MBNL1: variants seen among roughly 807,000 people sequenced by gnomAD.
MBNL1 encodes the protein muscleblind-like protein 1.
A neutral mutation model predicts 42.2 loss-of-function variants in MBNL1; 8 were observed. That is an observed-to-expected ratio of 0.19 (90% confidence interval 0.11 to 0.34). The LOEUF (loss-of-function observed/expected upper bound fraction) is 0.34. Ranked by LOEUF, MBNL1 falls within the 10% of genes least tolerant of loss-of-function variation. MBNL1 has a pLI of 1.00. For synonymous variants in MBNL1, 169 were observed against 173.9 expected, an observed-to-expected ratio of 0.97 and a Z score of 0.22; for missense variants, 309 against 495.3, an observed-to-expected ratio of 0.62 and a Z score of 3.57.
At chr3:152,246,120 A>C (rs1376139951) in intron 2 of MBNL1, among the ~76,000 whole-genome samples, 1 of 152,150 alleles carries the variant, frequency 6.6e-6, no homozygotes, top group Non-Finnish European at 1.5e-5. Context: ...AAAAATAAAC[A>C]CAACTACTTC....
chr3:152,316,922 A>G (rs971798822), intron 2 of MBNL1, among the ~76,000 whole-genome samples: 1 of 152,092 alleles, frequency 6.6e-6, no homozygotes, highest in Non-Finnish European at 1.5e-5. Context: ...GAATTTTTAA[A>G]AAGATTAAGA....
intron 3 of MBNL1, among the ~76,000 whole-genome samples, chr3:152,425,585 G>T (rs1482027255): frequency 6.6e-6 from 1 of 151,672 alleles, no homozygotes; most frequent in African/African-American, 2.4e-5. Context: ...TCCAGCCTGG[G>T]TAACAGAGAG....
At chr3:152,320,940 T>C (rs1469149917) in intron 2 of MBNL1, among the ~76,000 whole-genome samples, 1 of 152,090 alleles carries the variant, frequency 6.6e-6, no homozygotes. Flanking sequence ...GTGAATACTT[T>C]ATAGTGTTGC....
At chr3:152,416,851 T>C (rs2098710675) in intron 3 of MBNL1, among the ~76,000 whole-genome samples, 1 of 152,260 alleles carries the variant, frequency 6.6e-6, no homozygotes, top group Non-Finnish European at 1.5e-5. Context: ...AAATCACAGA[T>C]TTCTGAAACC....
At chr3:152,298,832 TC>T (rs2059662436) in intron 1 of MBNL1, 1 of 152,238 alleles carries the variant, frequency 6.6e-6, no homozygotes, top group Admixed American at 6.5e-5. Context: ...AGCAGGCTGT[TC>T]AGTGCCCGTC....
chr3:152,318,262 C>T lies in MBNL1; in HGVS notation c.174+17895C>T, dbSNP rs184289473. Reference sequence around the variant, plus strand: ...CCGTTGGAAGAAAAAAGCAGTCTCACGTTACAAGCATTTTGAAAGTGGTTT... The same window carrying T: ...CCGTTGGAAGAAAAAAGCAGTCTCATGTTACAAGCATTTTGAAAGTGGTTT... On this transcript the variant is annotated intron_variant, in intron 2 of 9. Transcript: ENST00000324210. 2.0e-4 allele frequency among the ~76,000 whole-genome samples: 30 copies of T among 152,270 alleles called. No individual in the cohort carries two copies. In the East Asian group the frequency reaches 2.3e-3, roughly 12 times the overall value.
At chr3:152,334,170 G>A (rs1011700282) in intron 2 of MBNL1, among the ~76,000 whole-genome samples, 3 of 152,120 alleles carry the variant, frequency 2.0e-5, no homozygotes, top group African/African-American at 7.2e-5. Flanking sequence ...CCTATATAGG[G>A]TTTTCAGTTT....
chr3:152,332,000 T>G (rs2084978227), intron 2 of MBNL1, among the ~76,000 whole-genome samples: 1 of 152,190 alleles, frequency 6.6e-6, no homozygotes, highest in Non-Finnish European at 1.5e-5. Flanking sequence ...CCTTGATACC[T>G]CTTTAAAAAT....
chr3:152,250,696 C>G (rs1366072017), intron 2 of MBNL1, among the ~76,000 whole-genome samples: 2 of 150,176 alleles, frequency 1.3e-5, no homozygotes, highest in East Asian at 2.0e-4. Flanking sequence ...CTGTCTTGTG[C>G]CAGTTTTCAA....
intron 2 of MBNL1, among the ~76,000 whole-genome samples, chr3:152,408,930 A>G (rs2098503108): frequency 6.6e-6 from 1 of 152,234 alleles, no homozygotes; most frequent in South Asian, 2.1e-4. Flanking sequence ...CCAAAATGTC[A>G]GTAGTGCTGA....
At chr3:152,255,755 A>G (rs1300522023) in intron 2 of MBNL1, among the ~76,000 whole-genome samples, 2 of 152,204 alleles carry the variant, frequency 1.3e-5, no homozygotes, top group African/African-American at 2.4e-5. Flanking sequence ...TGGGAAAATC[A>G]TCTTTACGTA....
chr3:152,432,815 G>T lies in MBNL1; in HGVS notation c.444G>T (p.Glu148Asp). ...TTTCTCCAAGCCTGGTCCCGGCAGAGATCTTGCCGACTGCACCAATGTTGG... is the reference window on the plus strand; with the variant it reads ...TTTCTCCAAGCCTGGTCCCGGCAGATATCTTGCCGACTGCACCAATGTTGG... ...GPVSPSLVPA[E>D]ILPTAPMLVT... The change falls in exon 4 of 10, where the codon GAG becomes GAT. Residue 148 changes from glutamate (E) to aspartate (D), a missense_variant. By Grantham distance (45) the Glu-to-Asp change is conservative. Transcript: ENST00000324210. 6.2e-7 allele frequency: 1 copy of T among 1,614,186 alleles called. No homozygotes were observed. Among genetic ancestry groups the T allele is most frequent in the South Asian group, 1.1e-5 (1 of 91,086 alleles).
At chr3:152,327,815 A>ATT (rs893206005) in intron 2 of MBNL1, among the ~76,000 whole-genome samples, 16 of 150,764 alleles carry the variant, frequency 1.1e-4, no homozygotes, top group African/African-American at 3.9e-4. Context: ...ATATAGTAGC[A>ATT]TTTTTTTTTA....
At chr3:152,261,898 T>C (rs1358121878) in intron 2 of MBNL1, among the ~76,000 whole-genome samples, 1 of 152,216 alleles carries the variant, frequency 6.6e-6, no homozygotes, top group African/African-American at 2.4e-5. Flanking sequence ...TGCCAGCTGC[T>C]TGGGAGTCCG....
In MBNL1 at chr3:152,439,079, G is replaced by A. The variant is rs1022257479; in HGVS notation, c.549+6159G>A. The stretch of plus-strand genomic sequence containing the variant: ...ACTTGGTTTCTGATAGTTTCAGTTC[G>A]CGTTTGCTTGTATTAAAATATAAAA... On this transcript the variant is annotated intron_variant, in intron 4 of 9. Transcript: ENST00000324210. Among the ~76,000 whole-genome samples, 12 of 152,264 alleles carry A rather than the reference G, an allele frequency of 7.9e-5. No homozygotes were observed. In the Middle Eastern group the frequency reaches 0.01, roughly 129 times the overall value.
chr3:152,389,910 C>G (rs1347580814), intron 2 of MBNL1, among the ~76,000 whole-genome samples: 1 of 152,044 alleles, frequency 6.6e-6, no homozygotes, highest in African/African-American at 2.4e-5. Context: ...GAGTCTCGCT[C>G]TGTTGCCCAG....
At chr3:152,335,279 G>T (rs888183229) in intron 2 of MBNL1, 1 of 1,289,434 alleles carries the variant, frequency 7.8e-7, no homozygotes, top group Admixed American at 2.3e-5. Context: ...ATACCATTTG[G>T]GTAGGCCTGC....
At chr3:152,377,660 G>A (rs2096969755) in intron 2 of MBNL1, among the ~76,000 whole-genome samples, 1 of 152,112 alleles carries the variant, frequency 6.6e-6, no homozygotes, top group South Asian at 2.1e-4. Flanking sequence ...ATATTTGGAG[G>A]CCACATTCAT....
rs565641617 is a variant in MBNL1 at position 152,433,636 on chromosome 3, G to A, written c.549+716G>A. Among the ~76,000 whole-genome samples the A allele has an allele frequency of 1.4e-4, 21 of 151,654 alleles. 1 individual carries two copies. Among genetic ancestry groups the A allele is most frequent in the African/African-American group, 5.1e-4 (21 of 41,296 alleles). On this transcript the variant is annotated intron_variant, in intron 4 of 9. Coordinates refer to ENST00000324210, the MANE Select transcript of MBNL1 (RefSeq NM_021038.5). ...GTGGTAGCGGGCGCCTGTAGTCCCA[G>A]CTACTCGGGAGGCTGAGGCAGGAGA... is the stretch of plus-strand genomic sequence containing the variant.
Sources: gnomAD v4.1 joint callset for allele counts (sites outside exome capture counted in the v4.1 genomes callset) on GRCh38, gnomAD v4.1.1 for gene constraint, MANE v1.5 for transcripts, NCBI Gene and HGNC (gene_info 2026-07-23, HGNC 2026-07-21) for gene names.